DYNC2H1: variants seen among roughly 807,000 people sequenced by gnomAD.
DYNC2H1 encodes dynein cytoplasmic 2 heavy chain 1.
DYNC2H1 carries 410 observed loss-of-function variants against 570.0 expected under a neutral mutation model. The ratio of observed to expected loss-of-function variants is 0.72; its 90% CI spans 0.66 to 0.78. The LOEUF (loss-of-function observed/expected upper bound fraction) is 0.78, where lower values mean the gene tolerates loss of function less well. DYNC2H1 is among the 30% of genes least tolerant of loss of function. The pLI is 0.00. For synonymous variants in DYNC2H1, 1,688 were observed against 1,677.6 expected (o/e 1.01, Z -0.15); for missense variants, 4,865 against 5,046.4 (o/e 0.96, Z 1.09).
intron 66 of DYNC2H1, 87 bp downstream of exon 66, chr11:103,253,535 A>C: frequency 8.1e-7 from 1 of 1,239,494 alleles, no homozygotes; most frequent in Non-Finnish European, 1.1e-6. Context: ...CTATTTTGTT[A>C]GACTAATTAG....
rs1428462474 is a variant in DYNC2H1, at chr11:103,395,039, A to G, written c.12157-4624A>G. 6.6e-6 allele frequency among the ~76,000 whole-genome samples: 1 copy of G among 152,080 alleles called. No individual in the cohort carries two copies. Among genetic ancestry groups the G allele is most frequent in the Non-Finnish European group, 1.5e-5 (1 of 68,016 alleles). On this transcript the variant is annotated intron_variant, in intron 83 of 88. Transcript: ENST00000375735. This position sits in a 1 kb window ranked among gnomAD's most constrained non-coding sequence, Gnocchi z 4.3. Reference sequence around the variant, plus strand: ...GAAATCCACTTGTGGATTTAATTTAATGCAGATATGTACATAATATACAGA... The same window carrying G: ...GAAATCCACTTGTGGATTTAATTTAGTGCAGATATGTACATAATATACAGA...
At chr11:103,458,662 C>CT (rs1350612461) in intron 87 of DYNC2H1, among the ~76,000 whole-genome samples, 1 of 107,990 alleles carries the variant, frequency 9.3e-6, no homozygotes, top group Non-Finnish European at 1.8e-5. Flanking sequence ...TTTCTTAGCT[C>CT]TTTTTCCTGT....
At chr11:103,360,876 G>A (rs528099344) in intron 83 of DYNC2H1, among the ~76,000 whole-genome samples, 1 of 152,250 alleles carries the variant, frequency 6.6e-6, no homozygotes, top group South Asian at 2.1e-4. Context: ...TATAATAAGG[G>A]AGAAGACCTA....
chr11:103,203,754 A>G lies in DYNC2H1; in HGVS notation c.8289A>G (p.Pro2763=). 1 of 1,610,046 alleles carries G rather than the reference A, an allele frequency of 6.2e-7. No individual in the cohort carries two copies. The highest frequency in any genetic ancestry group is 8.5e-7 in the Non-Finnish European group (1 of 1,178,136). ...DQASQDGFFG[P]VFNYFTYRIQ... ...CTTCACAAGATGGTTTTTTTGGACC[A>G]GTCTTCAATTACTTCACATATAGTA... is the stretch of plus-strand genomic sequence containing the variant. Residue 2763 remains proline, a synonymous_variant, in exon 51 of 89, where the codon CCA becomes CCG. Transcript: ENST00000375735. The surrounding 1 kb of genome is among the most constrained non-coding windows in gnomAD (Gnocchi z 4.7).
chr11:103,173,117 T>G lies in DYNC2H1; in HGVS notation c.5370T>G (p.Thr1790=), dbSNP rs1174160488. 1 of 1,476,132 alleles carries G rather than the reference T, an allele frequency of 6.8e-7. No homozygotes were observed. The highest frequency in any genetic ancestry group is 9.0e-7 in the Non-Finnish European group (1 of 1,111,910). The allele number at this position is 1,476,132 out of a possible 1,614,324, so 91.4% of individuals were successfully genotyped here. A position where few individuals can be genotyped will look rare whatever the true frequency, so the allele number is the denominator to read the frequency against. ...ATTCTAATTCTGGAATTTTTATCACTATGAATCCTGCTGGAAAAGGTTATG... is the reference window on the plus strand; with the variant it reads ...ATTCTAATTCTGGAATTTTTATCACGATGAATCCTGCTGGAAAAGGTTATG... The part of the protein sequence containing the change: ...EVNSNSGIFI[T]MNPAGKGYGG... The change falls in exon 35 of 89, where the codon ACT becomes ACG. Residue 1790 remains threonine (T), a synonymous_variant. Transcript: ENST00000375735.
At chr11:103,184,833 G>C in intron 40 of DYNC2H1, 63 bp from the exon 41 acceptor site, 1 of 1,579,530 alleles carries the variant, frequency 6.3e-7, no homozygotes, top group Admixed American at 1.7e-5. Flanking sequence ...AGTCTGTATG[G>C]TTCTATGTTT....
At chr11:103,365,313 A>C (rs1375719948) in intron 83 of DYNC2H1, among the ~76,000 whole-genome samples, 1 of 151,886 alleles carries the variant, frequency 6.6e-6, no homozygotes, top group Non-Finnish European at 1.5e-5. Flanking sequence ...GTGAGCCAAG[A>C]TCGCACCATT....
At chr11:103,323,114 C>A (rs146027682) in intron 81 of DYNC2H1, among the ~76,000 whole-genome samples, 1 of 152,138 alleles carries the variant, frequency 6.6e-6, no homozygotes, top group South Asian at 2.1e-4. Context: ...TCAGCAAACA[C>A]GGTTTAGATG....
chr11:103,432,049 C>A (rs564485815), intron 84 of DYNC2H1, among the ~76,000 whole-genome samples: 4 of 152,168 alleles, frequency 2.6e-5, no homozygotes, highest in African/African-American at 7.2e-5. Flanking sequence ...CCGCCGAGCA[C>A]CAAACAGCAA....
Position 103,153,213 on chromosome 11 carries a change from C to T in DYNC2H1, c.3097-90C>T, listed in dbSNP as rs531143366. The T allele has an allele frequency of 5.9e-6, 7 of 1,194,302 alleles. No homozygotes were observed. The East Asian group carries it at 1.1e-4, about 20-fold the overall frequency. The allele number at this position is 1,194,302 out of a possible 1,614,324, so 74.0% of individuals were successfully genotyped here. On this transcript the variant is annotated intron_variant, in intron 21 of 88. Coordinates refer to ENST00000375735, the MANE Select transcript of DYNC2H1 (RefSeq NM_001377.3). ...GACATTGGTCATTGATATTTTTTCA[C>T]TTTTAAATAGAAAATATTAGAAAGA...
rs552915565 is a variant in DYNC2H1 at position 103,229,877 on chromosome 11, A to G, written c.9354-1383A>G. 3.3e-5 allele frequency among the ~76,000 whole-genome samples: 5 copies of G among 152,324 alleles called. No individual in the cohort carries two copies. The South Asian group carries it at 1.0e-3, about 32-fold the overall frequency. On this transcript the variant is annotated intron_variant, in intron 59 of 88. Coordinates refer to ENST00000375735, the MANE Select transcript of DYNC2H1 (RefSeq NM_001377.3). ...AATAATTGGGTTGTGTTTAAATACT[A>G]GACTAGAAATAGTTTTAGCTCACAA...
chr11:103,128,280 G>C (rs1042710082), intron 12 of DYNC2H1, among the ~76,000 whole-genome samples: 7 of 152,164 alleles, frequency 4.6e-5, no homozygotes, highest in Admixed American at 6.5e-5. Context: ...TTTAAAGAAG[G>C]CCACTCTGGC....
intron 83 of DYNC2H1, among the ~76,000 whole-genome samples, chr11:103,375,079 C>CAT (rs1307000152): frequency 6.6e-6 from 1 of 152,214 alleles, no homozygotes; most frequent in Non-Finnish European, 1.5e-5. Context: ...TGGTGCCCTG[C>CAT]ATTCCACCTG....
rs565966038 is a variant in DYNC2H1, at chr11:103,445,787, G to A, written c.12457-9399G>A. On this transcript the variant is annotated intron_variant, in intron 85 of 88. Transcript: ENST00000375735. ...CTGCCTCAGCCTCCCTAGCAGCTGG[G>A]ACTACAGGCGCACACCATCATGCCC... Among the ~76,000 whole-genome samples the A allele has an allele frequency of 4.4e-4, 67 of 152,234 alleles. No individual in the cohort carries two copies. In the Middle Eastern group the frequency reaches 0.017, roughly 39 times the overall value.
At chr11:103,138,726 A>G (rs1859714883) in intron 17 of DYNC2H1, among the ~76,000 whole-genome samples, 1 of 152,226 alleles carries the variant, frequency 6.6e-6, no homozygotes, top group Admixed American at 6.5e-5. Context: ...CACTGGCCTC[A>G]TAAAATGAGT....
In DYNC2H1 at chr11:103,275,555, C is replaced by G. The variant is rs535518510; in HGVS notation, c.10696-4793C>G. 6.6e-6 allele frequency among the ~76,000 whole-genome samples: 1 copy of G among 152,278 alleles called. No individual in the cohort carries two copies. Among genetic ancestry groups the G allele is most frequent in the East Asian group, 1.9e-4 (1 of 5,186 alleles). On this transcript the variant is annotated intron_variant, in intron 70 of 88. Transcript: ENST00000375735. This position sits in a 1 kb window ranked among gnomAD's most constrained non-coding sequence, Gnocchi z 4.8. Reference sequence around the variant, plus strand: ...ATCCTTTTACTGCCTATAGTTTTGCCTGTTCCAAATTATATTCTAATTATA... The same window carrying G: ...ATCCTTTTACTGCCTATAGTTTTGCGTGTTCCAAATTATATTCTAATTATA...
intron 40 of DYNC2H1, among the ~76,000 whole-genome samples, chr11:103,183,520 C>G (rs558166063): frequency 6.6e-6 from 1 of 151,784 alleles, no homozygotes; most frequent in Admixed American, 6.6e-5. Context: ...GGGTTCTTTT[C>G]TTTTTATCCT....
At chr11:103,123,829 T>G (rs1858848694) in intron 11 of DYNC2H1, among the ~76,000 whole-genome samples, 2 of 16,652 alleles carry the variant, frequency 1.2e-4, no homozygotes, top group South Asian at 5.5e-3. Context: ...CTCCTGCCCT[T>G]TTTTTTTTTA....
At chr11:103,119,938 T>C (rs753720322) in intron 6 of DYNC2H1, among the ~76,000 whole-genome samples, 10 of 152,216 alleles carry the variant, frequency 6.6e-5, no homozygotes, top group Admixed American at 1.3e-4. Context: ...CTTAACTTTT[T>C]TGATTACCTT....
Sources: allele counts gnomAD v4.1 joint callset (sites outside exome capture counted in the v4.1 genomes callset), GRCh38; gene constraint gnomAD v4.1.1; non-coding constraint Gnocchi (gnomAD v3.1); transcripts MANE v1.5; gene names NCBI Gene and HGNC (gene_info 2026-07-23, HGNC 2026-07-21).